TTC7A: variants seen among roughly 807,000 people sequenced by gnomAD.
The protein encoded by TTC7A is tetratricopeptide repeat domain 7A.
A neutral mutation model predicts 103.7 loss-of-function variants in TTC7A; 110 were observed. The ratio of observed to expected loss-of-function variants is 1.06; its 90% confidence interval spans 0.91 to 1.24. The LOEUF is 1.24. Among genes scored for constraint, TTC7A ranks in the 50% most tolerant of loss-of-function variants. The pLI is 0.00. For missense variants in TTC7A, 1,340 were observed against 1,116.3 expected, an observed-to-expected ratio of 1.20 and a Z score of -2.86; for synonymous variants, 521 against 467.9, an observed-to-expected ratio of 1.11 and a Z score of -1.47.
At chr2:47,047,917 G>A (rs114674200) in intron 16 of TTC7A, among the ~76,000 whole-genome samples, 3,211 of 152,290 alleles carry the variant, frequency 0.021, 123 homozygotes, top group African/African-American at 0.074. Context: ...AAAGCCAGGA[G>A]GATATTGGAT....
intron 2 of TTC7A, among the ~76,000 whole-genome samples, chr2:46,930,916 A>T (rs1471933234): frequency 6.6e-6 from 1 of 152,220 alleles, no homozygotes; most frequent in East Asian, 1.9e-4. Context: ...AAAAATATAT[A>T]TACCCTCTGA....
At chr2:46,938,872 A>G (rs1670109361), upstream of TTC7A, among the ~76,000 whole-genome samples, 2 of 151,980 alleles carry the variant, frequency 1.3e-5, no homozygotes. Context: ...TTAGCTGAGC[A>G]TGGTGGTGCA....
At position 47,009,416 on chromosome 2, in the gene TTC7A, C is replaced by T. The variant is rs1043848764; in HGVS notation, c.1288-1915C>T. On this transcript the variant is annotated intron_variant, in intron 10 of 19. Coordinates refer to ENST00000319190, the MANE Select transcript of TTC7A (RefSeq NM_020458.4). ...TCCCCTTTCCTGAGTGACCGCACAA[C>T]GCCTAGCCCAGTACTGGGTGAGAGC... 2.0e-5 allele frequency among the ~76,000 whole-genome samples: 3 copies of T among 152,278 alleles called. No individual in the cohort carries two copies. The East Asian group carries it at 5.8e-4, about 29-fold the overall frequency.
chr2:46,931,969 T>G (rs1175588432), intron 2 of TTC7A, among the ~76,000 whole-genome samples: 1 of 152,200 alleles, frequency 6.6e-6, no homozygotes, highest in Non-Finnish European at 1.5e-5. Context: ...AATCAAAGTA[T>G]TTCACCATAT....
At chr2:47,004,630 G>C (rs1677180935) in intron 8 of TTC7A, among the ~76,000 whole-genome samples, 2 of 152,070 alleles carry the variant, frequency 1.3e-5, no homozygotes, top group Non-Finnish European at 2.9e-5. Context: ...ACAGAGGGAG[G>C]GAGATGCAGG....
In TTC7A at chr2:47,007,117, G is replaced by A. The variant is rs1474427834; in HGVS notation, c.1287+393G>A. ...TCCACTGAGCATAGCATCAGGAAAT[G>A]GCCTGCTTGTGGACTGGAGACTTGC... On this transcript the variant is annotated intron_variant, in intron 10 of 19. Coordinates refer to ENST00000319190, the MANE Select transcript of TTC7A (RefSeq NM_020458.4). This position sits in a 1 kb window ranked among gnomAD's most constrained non-coding sequence, Gnocchi z 4.9. Among the ~76,000 whole-genome samples, 2 of 152,140 alleles carry A rather than the reference G, an allele frequency of 1.3e-5. No individual in the cohort carries two copies. Among genetic ancestry groups the A allele is most frequent in the South Asian group, 2.1e-4 (1 of 4,826 alleles).
upstream of TTC7A, among the ~76,000 whole-genome samples, chr2:46,938,586 A>G (rs994694363): frequency 6.6e-6 from 1 of 152,142 alleles, no homozygotes; most frequent in African/African-American, 2.4e-5. Context: ...CTTCCTATCC[A>G]TAATAAGGTC....
intron 1 of TTC7A, among the ~76,000 whole-genome samples, chr2:46,942,713 G>A (rs1459043860): frequency 1.3e-5 from 2 of 152,154 alleles, no homozygotes; most frequent in African/African-American, 4.8e-5. Flanking sequence ...ATAAGTTGTG[G>A]AACCAGGATT....
intron 2 of TTC7A, among the ~76,000 whole-genome samples, chr2:46,931,458 T>C (rs2103842033): frequency 6.6e-6 from 1 of 152,314 alleles, no homozygotes; most frequent in African/African-American, 2.4e-5. Flanking sequence ...GGGGAGATTA[T>C]CTTGGATGAT....
chr2:47,026,995 G>A (rs941222268), intron 14 of TTC7A, among the ~76,000 whole-genome samples: 2 of 152,120 alleles, frequency 1.3e-5, no homozygotes, highest in Non-Finnish European at 2.9e-5. Flanking sequence ...ATGTTCAGAG[G>A]GGAGGGCCTC....
intron 18 of TTC7A, among the ~76,000 whole-genome samples, chr2:47,057,545 C>G (rs1683418968): frequency 6.6e-6 from 1 of 152,194 alleles, no homozygotes; most frequent in Admixed American, 6.5e-5. Flanking sequence ...GACAGCGCAG[C>G]AAGTTGTAAA....
rs1682408682 is a variant in TTC7A at position 47,047,154 on chromosome 2, TC to T, written c.1919+724del. ...AAAGGGAAAGTGGGCCTCCTTCAGG[TC>T]AGGAGCCCTGCCTCTTCCTGATCCT... On this transcript the variant is annotated intron_variant, in intron 16 of 19. Transcript: ENST00000319190. 4.5e-6 allele frequency: 3 copies of T among 661,324 alleles called. No individual in the cohort carries two copies. The African/African-American group carries it at 5.5e-5, about 12-fold the overall frequency. The allele number at this position is 661,324 out of a possible 1,614,324, so 41.0% of individuals were successfully genotyped here.
intron 15 of TTC7A, among the ~76,000 whole-genome samples, chr2:47,042,702 G>GTGTATATA (rs111460716): frequency 6.3e-5 from 9 of 142,634 alleles, no homozygotes; most frequent in African/African-American, 2.4e-4. Flanking sequence ...GTGTGTGTGT[G>GTGTATATA]TATATATATG....
chr2:47,042,672 C>T (rs1681879095), intron 15 of TTC7A, among the ~76,000 whole-genome samples: 1 of 139,780 alleles, frequency 7.2e-6, no homozygotes, highest in African/African-American at 2.8e-5. Flanking sequence ...GTCCTGAGCC[C>T]CAAGTGTGTG....
chr2:47,041,626 G>A (rs1174346494), intron 15 of TTC7A, among the ~76,000 whole-genome samples: 1 of 152,104 alleles, frequency 6.6e-6, no homozygotes, highest in Non-Finnish European at 1.5e-5. Context: ...GGTGGCGTAT[G>A]CCTGTAATCT....
chr2:47,013,408 G>A (rs1278631704), intron 11 of TTC7A, among the ~76,000 whole-genome samples: 1 of 152,132 alleles, frequency 6.6e-6, no homozygotes. Context: ...AGTGTGCAGA[G>A]CAGGTGGGCT....
At chr2:46,970,683 A>T (rs919815880) in intron 3 of TTC7A, among the ~76,000 whole-genome samples, 1 of 152,174 alleles carries the variant, frequency 6.6e-6, no homozygotes, top group Admixed American at 6.5e-5. Flanking sequence ...ACCTTCCTGC[A>T]AGGTGGATAG....
chr2:47,032,894 T>C (rs551862706), intron 15 of TTC7A, among the ~76,000 whole-genome samples: 1 of 148,226 alleles, frequency 6.7e-6, no homozygotes, highest in South Asian at 2.2e-4. Context: ...ATTGTATCTC[T>C]ATATACCATT....
intron 2 of TTC7A, among the ~76,000 whole-genome samples, chr2:46,925,690 A>C (rs1170420655): frequency 1.3e-5 from 2 of 152,146 alleles, no homozygotes; most frequent in African/African-American, 4.8e-5. Flanking sequence ...CACCTCCCCC[A>C]AAAAAACCCA....
Sources: allele counts gnomAD v4.1 joint callset (sites outside exome capture counted in the v4.1 genomes callset), GRCh38; gene constraint gnomAD v4.1.1; non-coding constraint Gnocchi (gnomAD v3.1); transcripts MANE v1.5; gene names NCBI Gene and HGNC (gene_info 2026-07-23, HGNC 2026-07-21).